Variants in TMEM38B observed in about 807,000 individuals in gnomAD.
The protein encoded by TMEM38B is trimeric intracellular cation channel type B.
Under a neutral mutation model 28.7 loss-of-function variants are expected in TMEM38B, and 24 were observed. The observed-to-expected ratio is 0.84, with a 90% CI of 0.61 to 1.18. The LOEUF is 1.18. TMEM38B is among the 50% of genes most tolerant of loss of function. The pLI, the probability that TMEM38B is intolerant of heterozygous loss-of-function variation, is 0.00. For missense variants in TMEM38B, 380 were observed against 350.9 expected, an observed-to-expected ratio of 1.08 and a Z score of -0.66; for synonymous variants, 131 against 127.7, an observed-to-expected ratio of 1.03 and a Z score of -0.17.
intron 5 of TMEM38B, among the ~76,000 whole-genome samples, chr9:105,765,825 G>T (rs1295100111): frequency 6.6e-6 from 1 of 151,022 alleles, no homozygotes; most frequent in East Asian, 1.9e-4. Context: ...TTTTTGAGAC[G>T]GAGTCTTGCT....
At chr9:105,712,848 C>T (rs933046586) in intron 2 of TMEM38B, among the ~76,000 whole-genome samples, 1 of 152,188 alleles carries the variant, frequency 6.6e-6, no homozygotes, top group Non-Finnish European at 1.5e-5. Flanking sequence ...GGGGTCTCCA[C>T]GATGGGGCTG....
intron 2 of TMEM38B, among the ~76,000 whole-genome samples, chr9:105,708,739 G>A (rs1204777753): frequency 6.6e-6 from 1 of 151,794 alleles, no homozygotes; most frequent in Non-Finnish European, 1.5e-5. Context: ...CTCATATTTT[G>A]TTTTATCAGA....
chr9:105,758,501 T>C, intron 5 of TMEM38B: 1 of 1,279,714 alleles, frequency 7.8e-7, no homozygotes, highest in Non-Finnish European at 1.1e-6. Flanking sequence ...TATTAAGAAA[T>C]AATAACAGTT....
At chr9:105,698,140 T>C (rs113498397) in intron 1 of TMEM38B, among the ~76,000 whole-genome samples, 245 of 151,912 alleles carry the variant, frequency 1.6e-3, no homozygotes, top group African/African-American at 5.6e-3. Context: ...TGTGAGCTAC[T>C]GAAGTCCTTC....
chr9:105,747,482 T>G (rs529867382), intron 4 of TMEM38B, among the ~76,000 whole-genome samples: 5 of 152,294 alleles, frequency 3.3e-5, no homozygotes, highest in African/African-American at 1.2e-4. Context: ...TCTTTATTAG[T>G]CTTGCTAGCG....
Position 105,746,924 on chromosome 9 carries a change from G to A in TMEM38B, c.543-1149G>A, listed in dbSNP as rs1233401471. On this transcript the variant is annotated intron_variant, in intron 4 of 5. Coordinates refer to ENST00000374692, the MANE Select transcript of TMEM38B (RefSeq NM_018112.3). ...ACCAGCCTTGCATCCCAGGGACGAAGCCCACTTGATCATGGTGGATAAGCT... is the reference window on the plus strand; with the variant it reads ...ACCAGCCTTGCATCCCAGGGACGAAACCCACTTGATCATGGTGGATAAGCT... Among the ~76,000 whole-genome samples, 7 of 152,304 alleles carry A rather than the reference G, an allele frequency of 4.6e-5. No individual in the cohort carries two copies. The South Asian group carries it at 1.0e-3, about 23-fold the overall frequency.
At chr9:105,756,618 G>A (rs912378394) in intron 5 of TMEM38B, among the ~76,000 whole-genome samples, 1 of 152,036 alleles carries the variant, frequency 6.6e-6, no homozygotes, top group Non-Finnish European at 1.5e-5. Context: ...CTAATTTGTG[G>A]AATAAAAATG....
chr9:105,713,732 T>C (rs1835992292), intron 2 of TMEM38B, among the ~76,000 whole-genome samples: 1 of 152,166 alleles, frequency 6.6e-6, no homozygotes, highest in African/African-American at 2.4e-5. Context: ...GGGCTGCCAG[T>C]CCTGCCACCA....
intron 5 of TMEM38B, chr9:105,758,241 C>A: frequency 1.5e-6 from 1 of 659,988 alleles, no homozygotes; most frequent in Non-Finnish European, 2.7e-6. Context: ...ATGTATTATT[C>A]GTCCTACTTT....
intron 5 of TMEM38B, among the ~76,000 whole-genome samples, chr9:105,769,455 A>C (rs936183222): frequency 5.3e-5 from 8 of 152,132 alleles, no homozygotes; most frequent in African/African-American, 1.9e-4. Flanking sequence ...AGTTGGGACT[A>C]CAGGTGTGTG....
intron 1 of TMEM38B, among the ~76,000 whole-genome samples, chr9:105,700,554 A>C (rs1174903901): frequency 6.6e-6 from 1 of 152,190 alleles, no homozygotes; most frequent in African/African-American, 2.4e-5. Context: ...TTATCTTTGC[A>C]TGACCATTTA....
intron 4 of TMEM38B, among the ~76,000 whole-genome samples, chr9:105,726,533 A>G (rs1011124642): frequency 6.6e-6 from 1 of 152,154 alleles, no homozygotes; most frequent in African/African-American, 2.4e-5. Flanking sequence ...AGGGGCAATA[A>G]TGCACATGGA....
At chr9:105,716,898 A>T (rs181020769) in intron 2 of TMEM38B, among the ~76,000 whole-genome samples, 1 of 152,342 alleles carries the variant, frequency 6.6e-6, no homozygotes, top group Non-Finnish European at 1.5e-5. Context: ...ACATAAAAAA[A>T]TCTGTTAATC....
At chr9:105,737,539 C>A (rs1837030679) in intron 4 of TMEM38B, among the ~76,000 whole-genome samples, 1 of 152,140 alleles carries the variant, frequency 6.6e-6, no homozygotes, top group Admixed American at 6.5e-5. Flanking sequence ...CAAGCAGTAG[C>A]ACAATGACGA....
rs1837495792 is a variant in TMEM38B at position 105,748,079 on chromosome 9, C to G, written c.549C>G (p.Ala183=). The G allele has an allele frequency of 2.5e-6, 4 of 1,610,868 alleles. No homozygotes were observed. The highest frequency in any genetic ancestry group is 1.7e-5 in the Admixed American group (1 of 59,676). Residue 183 remains alanine (A), a synonymous_variant, in exon 5 of 6, where the codon GCC becomes GCG. Coordinates refer to ENST00000374692, the MANE Select transcript of TMEM38B (RefSeq NM_018112.3). ...AAATGTGTTTTATTTTCAGCCCTGCCAAGGTAACCCTGCTGGGGTCAGTTA... is the reference window on the plus strand; with the variant it reads ...AAATGTGTTTTATTTTCAGCCCTGCGAAGGTAACCCTGCTGGGGTCAGTTA... ...GDEWLKMSYP[A]KVTLLGSVIF...
At chr9:105,731,910 T>G (rs1384171915) in intron 4 of TMEM38B, among the ~76,000 whole-genome samples, 1 of 152,210 alleles carries the variant, frequency 6.6e-6, no homozygotes, top group African/African-American at 2.4e-5. Context: ...TGAACTAGTT[T>G]ACAGTCCCAC....
intron 4 of TMEM38B, among the ~76,000 whole-genome samples, chr9:105,737,785 G>A (rs542195900): frequency 9.9e-5 from 15 of 152,172 alleles, no homozygotes; most frequent in Non-Finnish European, 1.5e-4. Context: ...CGTCAGCTCC[G>A]GTGCTGCTTT....
At chr9:105,721,020 G>C (rs1312185731) in intron 2 of TMEM38B, among the ~76,000 whole-genome samples, 3 of 152,120 alleles carry the variant, frequency 2.0e-5, no homozygotes, top group Admixed American at 2.0e-4. Flanking sequence ...CTGCCTCCTT[G>C]TGAGCCGTCA....
At chr9:105,769,592 A>AT (rs1459702435) in intron 5 of TMEM38B, among the ~76,000 whole-genome samples, 2 of 152,180 alleles carry the variant, frequency 1.3e-5, no homozygotes, top group Non-Finnish European at 2.9e-5. Context: ...CTGGCTACAC[A>AT]TTCTGTTGAT....
Sources: allele counts gnomAD v4.1 joint callset (sites outside exome capture counted in the v4.1 genomes callset), GRCh38; gene constraint gnomAD v4.1.1; transcripts MANE v1.5; gene names NCBI Gene and HGNC (gene_info 2026-07-23, HGNC 2026-07-21).